DEFB131B: variants seen among roughly 807,000 people sequenced by gnomAD.
The protein encoded by DEFB131B is defensin beta 131B.
A neutral mutation model predicts 2.1 loss-of-function variants in DEFB131B; 2 were observed. The ratio of observed to expected loss-of-function variants is 0.94; its 90% confidence interval spans 0.38 to 2.95. The LOEUF is 2.95. DEFB131B is among the 30% of genes most tolerant of loss of function. DEFB131B has a pLI of 0.09. For missense variants in DEFB131B, 77 were observed against 78.5 expected, an observed-to-expected ratio of 0.98 and a Z score of 0.07; for synonymous variants, 26 against 25.8, an observed-to-expected ratio of 1.01 and a Z score of -0.03.
At position 71,884,406 on chromosome 11, in the gene DEFB131B, G is replaced by T. The variant is rs779235761; in HGVS notation, c.59-1G>T. Reference sequence around the variant, plus strand: ...ATATAATTTGTCTTCTCTTTTTAAAGCCAGAAGCTTCACTTCTAATGATGA... The same window carrying T: ...ATATAATTTGTCTTCTCTTTTTAAATCCAGAAGCTTCACTTCTAATGATGA... On this transcript the variant is annotated splice_acceptor_variant, in intron 1 of 1. Coordinates refer to ENST00000530210, the MANE Select transcript of DEFB131B (RefSeq NM_001242853.1). LOFTEE classifies it high-confidence loss of function. 6.3e-7 allele frequency: 1 copy of T among 1,579,224 alleles called. No homozygotes were observed. Among genetic ancestry groups the T allele is most frequent in the South Asian group, 1.2e-5 (1 of 85,290 alleles).
intron 1 of DEFB131B, among the ~76,000 whole-genome samples, chr11:71,881,812 T>C (rs1952564854): frequency 6.6e-6 from 1 of 151,396 alleles, no homozygotes; most frequent in African/African-American, 2.4e-5. Context: ...CTTCCAAAAC[T>C]TAAAAGCAAA....
intron 1 of DEFB131B, among the ~76,000 whole-genome samples, chr11:71,880,849 GTTCTA>G (rs1055380653): frequency 2.0e-5 from 3 of 152,066 alleles, no homozygotes; most frequent in East Asian, 1.9e-4. Context: ...TTCATTTCTA[GTTCTA>G]TTCTATTTTT....
chr11:71,883,640 T>C (rs181567457), intron 1 of DEFB131B, among the ~76,000 whole-genome samples: 407 of 152,290 alleles, frequency 2.7e-3, no homozygotes, highest in African/African-American at 9.2e-3. Context: ...GTAAAACTTA[T>C]AGAAGAAAAC....
At chr11:71,881,736 G>T (rs1952564051) in intron 1 of DEFB131B, among the ~76,000 whole-genome samples, 1 of 152,056 alleles carries the variant, frequency 6.6e-6, no homozygotes. Flanking sequence ...CCATAACAAT[G>T]AATTCATCAA....
intron 1 of DEFB131B, among the ~76,000 whole-genome samples, chr11:71,881,496 G>T (rs556269810): frequency 1.3e-5 from 2 of 152,212 alleles, no homozygotes; most frequent in South Asian, 2.1e-4. Context: ...GCTTGCAGCT[G>T]GTTGCCTTCT....
Position 71,883,231 on chromosome 11 carries a change from T to C in DEFB131B, c.59-1176T>C, listed in dbSNP as rs577488707. Among the ~76,000 whole-genome samples the C allele has an allele frequency of 3.9e-5, 6 of 152,096 alleles. No homozygotes were observed. The East Asian group carries it at 9.7e-4, about 24-fold the overall frequency. On this transcript the variant is annotated intron_variant, in intron 1 of 1. Coordinates refer to ENST00000530210, the MANE Select transcript of DEFB131B (RefSeq NM_001242853.1). ...ATCCTAATGGCACTCTTGACAGAAA[T>C]AGAAAAAACAATTTTAAAATTCATA...
chr11:71,881,167 C>A (rs1952559068), intron 1 of DEFB131B, among the ~76,000 whole-genome samples: 2 of 152,182 alleles, frequency 1.3e-5, no homozygotes, highest in African/African-American at 4.8e-5. Flanking sequence ...GCTCTAATGA[C>A]ATTTTTAATA....
Position 71,878,600 on chromosome 11 carries a change from A to G in DEFB131B, c.58+90A>G, listed in dbSNP as rs879198817. ...TCAAGAGTCTGAAAATAAATTAGGC[A>G]TGGGCAGATTTTACTGTACCATGAA... On this transcript the variant is annotated intron_variant, in intron 1 of 1. Coordinates refer to ENST00000530210, the MANE Select transcript of DEFB131B (RefSeq NM_001242853.1). 4.4e-6 allele frequency: 6 copies of G among 1,373,398 alleles called. No homozygotes were observed. The South Asian group carries it at 6.3e-5, about 14-fold the overall frequency. The allele number at this position is 1,373,398 out of a possible 1,614,324, so 85.1% of individuals were successfully genotyped here. A position where few individuals can be genotyped will look rare whatever the true frequency, so the allele number is the denominator to read the frequency against.
intron 1 of DEFB131B, among the ~76,000 whole-genome samples, chr11:71,883,289 A>T (rs1484389557): frequency 5.3e-5 from 8 of 152,226 alleles, no homozygotes; most frequent in African/African-American, 1.9e-4. Flanking sequence ...TAGTCAAAAC[A>T]ATGAGCAAGA....
At chr11:71,882,318 G>A (rs906235664) in intron 1 of DEFB131B, among the ~76,000 whole-genome samples, 1 of 151,848 alleles carries the variant, frequency 6.6e-6, no homozygotes, top group Non-Finnish European at 1.5e-5. Context: ...TGCAGTGGCA[G>A]TGACCTTGGC....
chr11:71,883,343 T>C (rs527764643), intron 1 of DEFB131B, among the ~76,000 whole-genome samples: 74 of 152,242 alleles, frequency 4.9e-4, no homozygotes, highest in African/African-American at 1.7e-3. Flanking sequence ...TCAAAATGTA[T>C]TATAAAGATA....
At chr11:71,883,122 T>C (rs989961033) in intron 1 of DEFB131B, among the ~76,000 whole-genome samples, 1 of 152,208 alleles carries the variant, frequency 6.6e-6, no homozygotes, top group African/African-American at 2.4e-5. Flanking sequence ...AGATATCCTA[T>C]GTTCATGAAT....
At chr11:71,884,148 G>A (rs112440142) in intron 1 of DEFB131B, among the ~76,000 whole-genome samples, 4,272 of 152,170 alleles carry the variant, frequency 0.028, 71 homozygotes, top group East Asian at 0.08. Flanking sequence ...TTCATTTTAG[G>A]TAGAAATATG....
intron 1 of DEFB131B, among the ~76,000 whole-genome samples, chr11:71,879,595 G>A (rs1005302163): frequency 3.9e-5 from 6 of 152,070 alleles, no homozygotes; most frequent in Middle Eastern, 6.8e-3. Context: ...ATGAATGTTA[G>A]TGGGTTTTTT....
chr11:71,881,823 G>GA (rs1255380964), intron 1 of DEFB131B, among the ~76,000 whole-genome samples: 1 of 151,574 alleles, frequency 6.6e-6, no homozygotes, highest in Non-Finnish European at 1.5e-5. Flanking sequence ...TAAAAGCAAA[G>GA]AAAAAAGAAT....
intron 1 of DEFB131B, among the ~76,000 whole-genome samples, chr11:71,883,804 T>G (rs1952594066): frequency 6.6e-6 from 1 of 152,216 alleles, no homozygotes; most frequent in Non-Finnish European, 1.5e-5. Flanking sequence ...ACTTCCTCAG[T>G]AAAGGAGACA....
intron 1 of DEFB131B, among the ~76,000 whole-genome samples, chr11:71,882,873 A>T (rs1374712294): frequency 2.6e-5 from 4 of 152,336 alleles, no homozygotes; most frequent in African/African-American, 9.6e-5. Flanking sequence ...CCCCAAAATT[A>T]TTAAAACTAA....
rs887879064 is a variant in DEFB131B, at chr11:71,884,340, A to G, written c.59-67A>G. ...TAATGCTTTTAATTTATTATAAAAC[A>G]TTTCAGACATTTAAACATAAAAAGT... On this transcript the variant is annotated intron_variant, in intron 1 of 1. Transcript: ENST00000530210. 23 of 1,414,080 alleles carry G rather than the reference A, an allele frequency of 1.6e-5. No homozygotes were observed. In the African/African-American group the frequency reaches 3.2e-4, roughly 20 times the overall value. 87.6% of individuals were successfully genotyped at this position (1,414,080 alleles called of 1,614,324 possible).
At chr11:71,878,651 A>G in intron 1 of DEFB131B, 141 bp downstream of exon 1, 1 of 850,936 alleles carries the variant, frequency 1.2e-6, no homozygotes, top group South Asian at 1.8e-5. Context: ...TGAAGAGTTG[A>G]TACTAAAGAA....
Sources: allele counts gnomAD v4.1 joint callset (sites outside exome capture counted in the v4.1 genomes callset), GRCh38; gene constraint gnomAD v4.1.1; transcripts MANE v1.5; gene names NCBI Gene and HGNC (gene_info 2026-07-23, HGNC 2026-07-21).